The following SMC6 variants were observed in gnomAD, a reference collection of about 807,000 sequenced individuals.
SMC6 encodes structural maintenance of chromosomes protein 6.
SMC6 carries 79 observed loss-of-function variants against 142.2 expected under a neutral mutation model. The ratio of observed to expected loss-of-function variants is 0.56; its 90% CI spans 0.46 to 0.67. SMC6 has a LOEUF of 0.67. Ranked by LOEUF, SMC6 falls within the 30% of genes least tolerant of loss-of-function variation. SMC6 has a pLI of 0.00. For missense variants in SMC6, 1,072 were observed against 1,284.0 expected (o/e 0.83, Z 2.52); for synonymous variants, 411 against 412.4 (o/e 1.00, Z 0.04).
intron 23 of SMC6, 55 bp downstream of exon 23, chr2:17,695,097 T>C: frequency 1.3e-6 from 2 of 1,587,560 alleles, no homozygotes; most frequent in Non-Finnish European, 1.7e-6. Context: ...TCATTTTTTG[T>C]CTTGATGATA....
chr2:17,726,131 T>G (rs948327293), intron 8 of SMC6, among the ~76,000 whole-genome samples: 11 of 143,986 alleles, frequency 7.6e-5, no homozygotes, highest in Non-Finnish European at 1.6e-4. Context: ...CAAGTTATTA[T>G]GTATGTAGGA....
At chr2:17,678,606 G>GA (rs544540923) in intron 25 of SMC6, among the ~76,000 whole-genome samples, 20,244 of 124,214 alleles carry the variant, frequency 0.16, 2,077 homozygotes, top group African/African-American at 0.31. Flanking sequence ...TGTCTATACG[G>GA]AAAAAAAAAA....
chr2:17,678,950 C>T lies in SMC6; in HGVS notation c.2819G>A (p.Arg940Gln), dbSNP rs376248274. 1.9e-6 allele frequency: 3 copies of T among 1,610,490 alleles called. No individual in the cohort carries two copies. Among genetic ancestry groups the T allele is most frequent in the Non-Finnish European group, 2.5e-6 (3 of 1,178,542 alleles). Reference protein sequence around the residue: ...YQQFRRCLTLRCKLYFDNLLS... With the variant: ...YQQFRRCLTLQCKLYFDNLLS... ...TAAGTTGTCAAAGTATAATTTGCAT[C>T]GTAAAGTCAAACACCTTGAAATTTA... The change falls in exon 25 of 28, where the codon CGA becomes CAA. Residue 940 changes from arginine to glutamine, a missense_variant. Physicochemically the swap from Arg to Gln is conservative, Grantham distance 43 (BLOSUM62 1). Transcript: ENST00000448223.
At chr2:17,751,132 A>C (rs1201020886) in intron 2 of SMC6, among the ~76,000 whole-genome samples, 1 of 152,110 alleles carries the variant, frequency 6.6e-6, no homozygotes, top group Non-Finnish European at 1.5e-5. Context: ...TGCCATTATA[A>C]GTTCATGGAA....
intron 25 of SMC6, among the ~76,000 whole-genome samples, 185 bp from the exon 26 acceptor site, chr2:17,670,760 GTACTTCTTGCTC>G (rs1666718321): frequency 6.6e-6 from 1 of 152,128 alleles, no homozygotes; most frequent in Non-Finnish European, 1.5e-5. Context: ...ACGTATAATG[GTACTTCTTGCTC>G]TACTGCAAGA....
chr2:17,669,244 T>C (rs1207011044), intron 26 of SMC6, among the ~76,000 whole-genome samples: 2 of 152,162 alleles, frequency 1.3e-5, no homozygotes, highest in Non-Finnish European at 2.9e-5. Flanking sequence ...GGCTTTGAGA[T>C]GAAGGCACTT....
chr2:17,671,398 G>C (rs1374071821), intron 25 of SMC6, among the ~76,000 whole-genome samples: 2 of 150,052 alleles, frequency 1.3e-5, no homozygotes, highest in African/African-American at 4.9e-5. Flanking sequence ...AGAAGTTCGA[G>C]ACCAGCCTGG....
chr2:17,667,176 AGTCAGGGTAATG>A (rs1666538518), intron 26 of SMC6, among the ~76,000 whole-genome samples: 1 of 152,240 alleles, frequency 6.6e-6, no homozygotes, highest in Admixed American at 6.5e-5. Flanking sequence ...ATGGTTAATG[AGTCAGGGTAATG>A]GTAACAAAAG....
intron 25 of SMC6, among the ~76,000 whole-genome samples, chr2:17,675,107 A>T (rs1558325843): frequency 6.6e-6 from 1 of 151,778 alleles, no homozygotes; most frequent in Non-Finnish European, 1.5e-5. Flanking sequence ...ATAATTGAGT[A>T]TTTTTGTTTT....
At chr2:17,690,749 A>T (rs1454574819) in intron 23 of SMC6, among the ~76,000 whole-genome samples, 1 of 152,174 alleles carries the variant, frequency 6.6e-6, no homozygotes, top group African/African-American at 2.4e-5. Flanking sequence ...AAATGAAAAG[A>T]TGTTCAACTT....
At chr2:17,722,354 A>G (rs1669412594) in intron 9 of SMC6, among the ~76,000 whole-genome samples, 1 of 152,126 alleles carries the variant, frequency 6.6e-6, no homozygotes, top group South Asian at 2.1e-4. Flanking sequence ...CTATCTTCTC[A>G]AAGGTCTAAA....
chr2:17,738,737 C>T (rs974084221), intron 4 of SMC6, among the ~76,000 whole-genome samples: 1 of 152,166 alleles, frequency 6.6e-6, no homozygotes, highest in Non-Finnish European at 1.5e-5. Flanking sequence ...ACTGTAACCT[C>T]GGACTCCTGG....
rs746265980 is a variant in SMC6 at position 17,683,783 on chromosome 2, T to C, written c.2679-20A>G. ...TACTGCCTATTATATAAACAAAATA[T>C]TACGTAAAAAATACACCACACGTAA... On this transcript the variant is annotated intron_variant, in intron 23 of 27. Coordinates refer to ENST00000448223, the MANE Select transcript of SMC6 (RefSeq NM_001142286.2). The C allele has an allele frequency of 3.1e-6, 5 of 1,598,572 alleles. No individual in the cohort carries two copies. The East Asian group carries it at 6.7e-5, about 21-fold the overall frequency.
intron 20 of SMC6, among the ~76,000 whole-genome samples, chr2:17,700,728 CAT>C (rs1332930247): frequency 6.6e-6 from 1 of 151,824 alleles, no homozygotes; most frequent in Non-Finnish European, 1.5e-5. Context: ...AGATATTATC[CAT>C]ATGTTTAAGA....
At chr2:17,689,897 T>C (rs369812879) in intron 23 of SMC6, among the ~76,000 whole-genome samples, 32 of 152,216 alleles carry the variant, frequency 2.1e-4, no homozygotes, top group African/African-American at 7.0e-4. Flanking sequence ...TTTGAGTTTT[T>C]TCCCCCAGTC....
chr2:17,691,026 CAA>C (rs1667688438), intron 23 of SMC6, among the ~76,000 whole-genome samples: 1 of 150,292 alleles, frequency 6.7e-6, no homozygotes, highest in Non-Finnish European at 1.5e-5. Context: ...TTTGCAACAA[CAA>C]AAGATTAGAT....
chr2:17,741,384 A>G (rs1475289967), intron 4 of SMC6, among the ~76,000 whole-genome samples: 1 of 152,238 alleles, frequency 6.6e-6, no homozygotes, highest in African/African-American at 2.4e-5. Flanking sequence ...GATTAAAAAC[A>G]TAAGCAGGAA....
intron 3 of SMC6, among the ~76,000 whole-genome samples, chr2:17,743,901 T>C (rs780087970): frequency 6.6e-6 from 1 of 152,220 alleles, no homozygotes. Flanking sequence ...GGTTCCTCTA[T>C]GTCTTTTCAT....
intron 5 of SMC6, among the ~76,000 whole-genome samples, chr2:17,737,048 T>G (rs1670191732): frequency 6.6e-6 from 1 of 152,212 alleles, no homozygotes; most frequent in Admixed American, 6.5e-5. Flanking sequence ...TTTGCTGGAC[T>G]GGGGCCCCAT....
Sources: gnomAD v4.1 joint callset for allele counts (sites outside exome capture counted in the v4.1 genomes callset) on GRCh38, gnomAD v4.1.1 for gene constraint, MANE v1.5 for transcripts, NCBI Gene and HGNC (gene_info 2026-07-23, HGNC 2026-07-21) for gene names.